Variants in LAMA3 observed in about 807,000 individuals in gnomAD.
LAMA3 encodes the protein laminin subunit alpha 3.
LAMA3 carries 281 observed loss-of-function variants against 402.0 expected under a neutral mutation model. The ratio of observed to expected loss-of-function variants is 0.70; its 90% CI spans 0.63 to 0.77. LAMA3 has a LOEUF of 0.77. Ranked by LOEUF, LAMA3 falls within the 30% of genes least tolerant of loss-of-function variation. The probability of loss-of-function intolerance (pLI) is 0.00; values close to 1 mark genes in which losing one functional copy is unlikely to be tolerated. For synonymous variants in LAMA3, 1,431 were observed against 1,558.4 expected (o/e 0.92, Z 1.93); for missense variants, 3,840 against 4,215.5 (o/e 0.91, Z 2.47).
rs76620809 is a variant in LAMA3, at chr18:23,927,639, T to C, written c.8178-484T>C. Among the ~76,000 whole-genome samples the C allele has an allele frequency of 7.5e-3, 1,147 of 152,284 alleles. 13 individuals carry two copies. The highest frequency in any genetic ancestry group is 0.026 in the African/African-American group (1,096 of 41,562). On this transcript the variant is annotated intron_variant, in intron 62 of 74. Coordinates refer to ENST00000313654, the MANE Select transcript of LAMA3 (RefSeq NM_198129.4). Reference sequence around the variant, plus strand: ...CCAAAAAGTAACACTTTGTTTCTTCTGACTTTACAGTGGCTAACTTAACAG... The same window carrying C: ...CCAAAAAGTAACACTTTGTTTCTTCCGACTTTACAGTGGCTAACTTAACAG...
intron 42 of LAMA3, among the ~76,000 whole-genome samples, chr18:23,891,913 T>C (rs963645494): frequency 6.6e-6 from 1 of 152,152 alleles, no homozygotes; most frequent in African/African-American, 2.4e-5. Flanking sequence ...GCTATAGTTG[T>C]TCAGAAAGAG....
chr18:23,830,047 G>C (rs1438427121), intron 23 of LAMA3, among the ~76,000 whole-genome samples: 3 of 152,204 alleles, frequency 2.0e-5, no homozygotes, highest in African/African-American at 7.2e-5. Flanking sequence ...CTAAACTGCT[G>C]ACCAAAATAA....
At chr18:23,699,835 A>G (rs2060759171) in intron 1 of LAMA3, among the ~76,000 whole-genome samples, 2 of 152,158 alleles carry the variant, frequency 1.3e-5, no homozygotes, top group African/African-American at 4.8e-5. Flanking sequence ...CCAGAAAGCT[A>G]GGTATTCCTA....
chr18:23,831,980 G>C (rs1027643322), intron 23 of LAMA3, among the ~76,000 whole-genome samples: 28 of 152,174 alleles, frequency 1.8e-4, no homozygotes, highest in Non-Finnish European at 1.3e-4. Context: ...ACAGCAAGCA[G>C]TAAAGTTTCT....
At position 23,839,279 on chromosome 18, in the gene LAMA3, G is replaced by C. The variant is rs998121527; in HGVS notation, c.3191+401G>C. Among the ~76,000 whole-genome samples, 3 of 152,144 alleles carry C rather than the reference G, an allele frequency of 2.0e-5. No individual in the cohort carries two copies. The highest frequency in any genetic ancestry group is 2.0e-4 in the Admixed American group (3 of 15,274). Reference sequence around the variant, plus strand: ...AATCAGCTAACTAATGCTTATTGGGGTTTTGGTAGGGTTGTTTTGCTGTAG... The same window carrying C: ...AATCAGCTAACTAATGCTTATTGGGCTTTTGGTAGGGTTGTTTTGCTGTAG... On this transcript the variant is annotated intron_variant, in intron 26 of 74. Coordinates refer to ENST00000313654, the MANE Select transcript of LAMA3 (RefSeq NM_198129.4). This position sits in a 1 kb window ranked among gnomAD's most constrained non-coding sequence, Gnocchi z 4.5.
intron 19 of LAMA3, among the ~76,000 whole-genome samples, chr18:23,820,961 C>CA (rs1395800520): frequency 6.6e-6 from 1 of 152,162 alleles, no homozygotes; most frequent in Non-Finnish European, 1.5e-5. Flanking sequence ...GATCTTAAGA[C>CA]ACTTCACTCT....
intron 1 of LAMA3, chr18:23,709,857 T>C (rs1245673029): frequency 2.1e-5 from 15 of 707,734 alleles, no homozygotes; most frequent in African/African-American, 7.1e-5. Context: ...ATCCAAAGCA[T>C]TGTAATCAGG....
chr18:23,838,093 A>T (rs538065133), intron 25 of LAMA3, among the ~76,000 whole-genome samples: 5 of 152,148 alleles, frequency 3.3e-5, no homozygotes, highest in Non-Finnish European at 7.4e-5. Context: ...GCTAGAACAT[A>T]AGCTCTATGA....
chr18:23,860,132 G>A (rs977583732), intron 34 of LAMA3, among the ~76,000 whole-genome samples: 2 of 151,984 alleles, frequency 1.3e-5, no homozygotes, highest in Non-Finnish European at 2.9e-5. Flanking sequence ...AGCCAAATCC[G>A]CATCTCTCAT....
intron 2 of LAMA3, among the ~76,000 whole-genome samples, chr18:23,717,745 T>G (rs1219234052): frequency 7.4e-6 from 1 of 134,612 alleles, no homozygotes; most frequent in Non-Finnish European, 1.6e-5. Flanking sequence ...TTTTTTTTTT[T>G]TTTTTAGTAG....
chr18:23,826,622 C>A, intron 21 of LAMA3, 80 bp from the exon 22 acceptor site: 3 of 1,013,952 alleles, frequency 3.0e-6, no homozygotes, highest in South Asian at 2.7e-5. Context: ...ATTGATTTAA[C>A]TAGTATGTTT....
At chr18:23,846,573 G>A in intron 31 of LAMA3, 65 bp downstream of exon 31, 3 of 1,448,644 alleles carry the variant, frequency 2.1e-6, no homozygotes, top group Non-Finnish European at 2.8e-6. Flanking sequence ...CTTACCAGGA[G>A]CAGGCTTCTT....
rs141149349 is a variant in LAMA3, at chr18:23,808,941, G to A, written c.1604-1425G>A. ...TCTTTCCTAAGGCTCCAACTAGCAT[G>A]GAATTTTTGAAACCTTGCAAACAAG... On this transcript the variant is annotated intron_variant, in intron 12 of 74. Coordinates refer to ENST00000313654, the MANE Select transcript of LAMA3 (RefSeq NM_198129.4). Among the ~76,000 whole-genome samples the A allele has an allele frequency of 2.0e-3, 307 of 152,284 alleles. 1 individual carries two copies. Among genetic ancestry groups the A allele is most frequent in the African/African-American group, 7.2e-3 (298 of 41,558 alleles).
chr18:23,816,330 G>A lies in LAMA3; in HGVS notation c.2048-58G>A, dbSNP rs182196905. The A allele has an allele frequency of 1.9e-4, 252 of 1,333,336 alleles. 4 individuals carry two copies. The East Asian group carries it at 2.9e-3, about 15-fold the overall frequency. The allele number at this position is 1,333,336 out of a possible 1,614,324, so 82.6% of individuals were successfully genotyped here. A position where few individuals can be genotyped will look rare whatever the true frequency, so the allele number is the denominator to read the frequency against. ...AGTTTTCCTTTCTTGTACAGCAGGG[G>A]AGGCGCTCAGTGTGGAGATGGTTTA... On this transcript the variant is annotated intron_variant, in intron 17 of 74. Coordinates refer to ENST00000313654, the MANE Select transcript of LAMA3 (RefSeq NM_198129.4).
intron 62 of LAMA3, among the ~76,000 whole-genome samples, chr18:23,927,263 G>A (rs751947975): frequency 6.6e-6 from 1 of 152,110 alleles, no homozygotes; most frequent in Admixed American, 6.6e-5. Context: ...TCCGCCTCCC[G>A]GGTTCAGATG....
intron 29 of LAMA3, among the ~76,000 whole-genome samples, chr18:23,843,212 C>T (rs1048429144): frequency 2.0e-5 from 3 of 152,182 alleles, no homozygotes; most frequent in African/African-American, 7.2e-5. Flanking sequence ...ATTCTATTCT[C>T]TCCACTGTGG....
chr18:23,880,855 C>T (rs148945444), intron 39 of LAMA3, among the ~76,000 whole-genome samples: 31 of 152,200 alleles, frequency 2.0e-4, no homozygotes, highest in African/African-American at 7.0e-4. Context: ...CCAGCCCGGG[C>T]GACAGCACAA....
intron 2 of LAMA3, among the ~76,000 whole-genome samples, chr18:23,726,559 A>C (rs2061303782): frequency 6.6e-6 from 1 of 152,148 alleles, no homozygotes; most frequent in South Asian, 2.1e-4. Flanking sequence ...GGCTGCCCCT[A>C]CTTGCTTCTG....
intron 38 of LAMA3, among the ~76,000 whole-genome samples, chr18:23,874,135 C>A (rs780002512): frequency 6.6e-6 from 1 of 152,128 alleles, no homozygotes; most frequent in Non-Finnish European, 1.5e-5. Context: ...GACTATACTC[C>A]CCCAAAGCAT....
Sources: gnomAD v4.1 joint callset for allele counts (sites outside exome capture counted in the v4.1 genomes callset) on GRCh38, gnomAD v4.1.1 for gene constraint, Gnocchi (gnomAD v3.1) non-coding constraint, MANE v1.5 for transcripts, NCBI Gene and HGNC (gene_info 2026-07-23, HGNC 2026-07-21) for gene names.